PRKG1: variants seen among roughly 807,000 people sequenced by gnomAD.
PRKG1 encodes protein kinase cGMP-dependent 1, also known as cGMP-dependent protein kinase 1.
A neutral mutation model predicts 88.1 loss-of-function variants in PRKG1; 35 were observed. The ratio of observed to expected loss-of-function variants is 0.40; its 90% CI spans 0.30 to 0.53. The LOEUF (loss-of-function observed/expected upper bound fraction) is 0.53, where lower values mean the gene tolerates loss of function less well. PRKG1 is among the 20% of genes least tolerant of loss of function. PRKG1 has a pLI of 0.59. For missense variants in PRKG1, 540 were observed against 839.8 expected, an observed-to-expected ratio of 0.64 and a Z score of 4.41; for synonymous variants, 303 against 292.5, an observed-to-expected ratio of 1.04 and a Z score of -0.37.
chr10:51,537,300 G>T (rs1842181008), intron 3 of PRKG1, among the ~76,000 whole-genome samples: 1 of 152,124 alleles, frequency 6.6e-6, no homozygotes, highest in African/African-American at 2.4e-5. Context: ...TTTAGTAAAT[G>T]AATGAGAAAG....
intron 5 of PRKG1, among the ~76,000 whole-genome samples, chr10:51,995,562 G>A (rs894219104): frequency 6.6e-6 from 1 of 152,154 alleles, no homozygotes; most frequent in African/African-American, 2.4e-5. Flanking sequence ...TTGTGTGTGT[G>A]TGTGTGTATG....
intron 7 of PRKG1, among the ~76,000 whole-genome samples, chr10:52,092,435 AC>A (rs1156660068): frequency 6.6e-6 from 1 of 152,144 alleles, no homozygotes; most frequent in Non-Finnish European, 1.5e-5. Context: ...ACTGAAAAAA[AC>A]CCCAGTTCTG....
At chr10:51,324,969 ATAGC>A (rs1841551493) in intron 2 of PRKG1, among the ~76,000 whole-genome samples, 1 of 152,120 alleles carries the variant, frequency 6.6e-6, no homozygotes, top group African/African-American at 2.4e-5. Context: ...GTTTTCTGTA[ATAGC>A]TGTACTAATT....
intron 7 of PRKG1, among the ~76,000 whole-genome samples, chr10:52,119,386 AAGG>A (rs1337935222): frequency 6.6e-6 from 1 of 152,192 alleles, no homozygotes; most frequent in Admixed American, 6.5e-5. Context: ...GAATAATAAA[AAGG>A]AGACACTCTC....
chr10:51,839,744 G>C lies in PRKG1; in HGVS notation c.698+35054G>C, dbSNP rs374827203. Among the ~76,000 whole-genome samples, 32 of 152,220 alleles carry C rather than the reference G, an allele frequency of 2.1e-4. 1 individual carries two copies. The East Asian group carries it at 4.8e-3, about 23-fold the overall frequency. On this transcript the variant is annotated intron_variant, in intron 4 of 17. Coordinates refer to ENST00000373980, the MANE Select transcript of PRKG1 (RefSeq NM_006258.4). Reference sequence around the variant, plus strand: ...AGAAGCATGCCTTCCTATGGAGGTCGTTCTTTAGGTGAAGTAACAGGAACC... The same window carrying C: ...AGAAGCATGCCTTCCTATGGAGGTCCTTCTTTAGGTGAAGTAACAGGAACC...
intron 9 of PRKG1, among the ~76,000 whole-genome samples, chr10:52,187,190 T>C (rs542288651): frequency 1.3e-5 from 2 of 152,332 alleles, no homozygotes; most frequent in South Asian, 2.1e-4. Context: ...TTGTTTAAGA[T>C]GTTAGACTTG....
At chr10:52,129,936 A>T (rs1837210850) in intron 7 of PRKG1, among the ~76,000 whole-genome samples, 1 of 152,190 alleles carries the variant, frequency 6.6e-6, no homozygotes, top group Non-Finnish European at 1.5e-5. Flanking sequence ...TTGTGGAAAG[A>T]ACATGACTTT....
At chr10:52,038,425 C>T (rs1845672119) in intron 5 of PRKG1, among the ~76,000 whole-genome samples, 1 of 150,290 alleles carries the variant, frequency 6.7e-6, no homozygotes, top group African/African-American at 2.5e-5. Flanking sequence ...AGGGGTCGAG[C>T]ATGGAAATAA....
intron 3 of PRKG1, among the ~76,000 whole-genome samples, chr10:51,546,895 ATAGAT>A (rs1842455728): frequency 6.6e-6 from 1 of 152,078 alleles, no homozygotes; most frequent in South Asian, 2.1e-4. Flanking sequence ...AATTTTACTC[ATAGAT>A]GAAGACAAGG....
chr10:51,549,906 A>C (rs1446625638), intron 3 of PRKG1, among the ~76,000 whole-genome samples: 1 of 152,132 alleles, frequency 6.6e-6, no homozygotes, highest in Admixed American at 6.6e-5. Flanking sequence ...GGATGGGGGA[A>C]GTGTCCTTGC....
intron 3 of PRKG1, among the ~76,000 whole-genome samples, chr10:51,668,090 T>C (rs1396510274): frequency 2.0e-5 from 3 of 152,156 alleles, no homozygotes; most frequent in Non-Finnish European, 4.4e-5. Context: ...CTTGTAACTA[T>C]TGGGAGAGAA....
chr10:51,844,958 A>G (rs1391363293), intron 4 of PRKG1, among the ~76,000 whole-genome samples: 1 of 152,146 alleles, frequency 6.6e-6, no homozygotes, highest in Non-Finnish European at 1.5e-5. Flanking sequence ...GTTAAATTTC[A>G]GTTATATCAT....
intron 3 of PRKG1, among the ~76,000 whole-genome samples, chr10:51,579,266 GC>G (rs1837970425): frequency 6.6e-6 from 1 of 151,942 alleles, no homozygotes; most frequent in African/African-American, 2.4e-5. Context: ...ACAGGTGTGA[GC>G]CACCACACCT....
rs199541531 is a variant in PRKG1 at position 52,094,417 on chromosome 10, GCT to G, written c.935+31801_935+31802del. Among the ~76,000 whole-genome samples, 90 of 150,414 alleles carry G rather than the reference GCT, an allele frequency of 6.0e-4. No individual in the cohort carries two copies. The East Asian group carries it at 8.4e-3, about 14-fold the overall frequency. ...TTAATTTGTACTCATATCACTTGATGCTCTCTCTCTCTCTCTTTTATCTCTCA... is the reference window on the plus strand; with the variant it reads ...TTAATTTGTACTCATATCACTTGATGCTCTCTCTCTCTCTTTTATCTCTCA... On this transcript the variant is annotated intron_variant, in intron 7 of 17. Transcript: ENST00000373980.
At chr10:51,506,542 C>T (rs1841211159) in intron 3 of PRKG1, among the ~76,000 whole-genome samples, 1 of 152,120 alleles carries the variant, frequency 6.6e-6, no homozygotes, top group Non-Finnish European at 1.5e-5. Context: ...CCAAAAGACA[C>T]ATGAAAAAAT....
chr10:51,336,316 G>T (rs879621936), intron 2 of PRKG1, among the ~76,000 whole-genome samples: 4 of 151,898 alleles, frequency 2.6e-5, no homozygotes, highest in Middle Eastern at 3.2e-3. Flanking sequence ...TCATGCCTCC[G>T]CACTCCAGCC....
At chr10:51,851,860 T>G (rs1840563198) in intron 4 of PRKG1, among the ~76,000 whole-genome samples, 1 of 152,108 alleles carries the variant, frequency 6.6e-6, no homozygotes, top group Admixed American at 6.5e-5. Flanking sequence ...ATTAGATTAG[T>G]AGGACCTGCC....
chr10:51,611,491 A>AT (rs1838907556), intron 3 of PRKG1, among the ~76,000 whole-genome samples: 1 of 151,210 alleles, frequency 6.6e-6, no homozygotes, highest in Non-Finnish European at 1.5e-5. Context: ...TTTTAAAAAA[A>AT]AAACGTTAAA....
chr10:51,407,875 C>A (rs1210342828), intron 2 of PRKG1, among the ~76,000 whole-genome samples: 1 of 152,144 alleles, frequency 6.6e-6, no homozygotes, highest in Non-Finnish European at 1.5e-5. Flanking sequence ...GGGTCAGTCA[C>A]CCCAGCCAAC....
Sources: allele counts gnomAD v4.1 joint callset (sites outside exome capture counted in the v4.1 genomes callset), GRCh38; gene constraint gnomAD v4.1.1; transcripts MANE v1.5; gene names NCBI Gene and HGNC (gene_info 2026-07-23, HGNC 2026-07-21).